AQP6: variants seen among roughly 807,000 people sequenced by gnomAD.
The protein encoded by AQP6 is aquaporin-6.
AQP6 carries 14 observed loss-of-function variants against 16.3 expected under a neutral mutation model. The observed-to-expected ratio is 0.86, with a 90% confidence interval of 0.57 to 1.34. AQP6 has a LOEUF of 1.34. AQP6 is among the 40% of genes most tolerant of loss of function. The pLI is 0.00. For synonymous variants in AQP6, 178 were observed against 166.8 expected (o/e 1.07, Z -0.52); for missense variants, 331 against 379.7 (o/e 0.87, Z 1.07).
rs1592827806 is a variant in AQP6, at chr12:49,974,109, C to G, written c.403-215C>G. 3 of 1,255,824 alleles carry G rather than the reference C, an allele frequency of 2.4e-6. No homozygotes were observed. In the East Asian group the frequency reaches 9.1e-5, roughly 38 times the overall value. The allele number at this position is 1,255,824 out of a possible 1,614,324, so 77.8% of individuals were successfully genotyped here. On this transcript the variant is annotated intron_variant, in intron 1 of 3. Coordinates refer to ENST00000315520, the MANE Select transcript of AQP6 (RefSeq NM_001652.4). Reference sequence around the variant, plus strand: ...TGAACCACTGGCCCCAACCAACCCACTGGTGGGGTGGGAGGAGCACCACTC... The same window carrying G: ...TGAACCACTGGCCCCAACCAACCCAGTGGTGGGGTGGGAGGAGCACCACTC...
Position 49,975,660 on chromosome 12 carries a change from G to A in AQP6, c.838G>A (p.Glu280Lys). 6.4e-7 allele frequency: 1 copy of A among 1,573,072 alleles called. No individual in the cohort carries two copies. The highest frequency in any genetic ancestry group is 8.6e-7 in the Non-Finnish European group (1 of 1,164,646). ...GCCGGGTTCGGGAGCCGTGGAGATG[G>A]AGAGTGTGTGAAACAGCCTACGCCT... is the stretch of plus-strand genomic sequence containing the variant. The part of the protein sequence containing the change: ...SQPGSGAVEM[E>K]SV The change falls in exon 4 of 4, where the codon GAG becomes AAG. Residue 280 changes from glutamate to lysine, a missense_variant. By Grantham distance (56) the Glu-to-Lys change is moderately conservative. Coordinates refer to ENST00000315520, the MANE Select transcript of AQP6 (RefSeq NM_001652.4). The surrounding 1 kb of genome is among the most constrained non-coding windows in gnomAD (Gnocchi z 4.4).
Position 49,973,650 on chromosome 12 carries a change from G to A in AQP6, c.402+75G>A, listed in dbSNP as rs548480349. On this transcript the variant is annotated intron_variant, in intron 1 of 3. Transcript: ENST00000315520. ...AAGTGGTGAAGGTGGAGGCCAGGAC[G>A]GAGGCGAGGGAGCAAAGGAGGAAAC... The A allele has an allele frequency of 3.5e-4, 512 of 1,466,970 alleles. 2 individuals carry two copies. The highest frequency in any genetic ancestry group is 4.0e-4 in the East Asian group (16 of 40,392). 90.9% of individuals were successfully genotyped at this position (1,466,970 alleles called of 1,614,324 possible).
At position 49,973,313 on chromosome 12, in the gene AQP6, G is replaced by C. The variant is rs151202401; in HGVS notation, c.140G>C (p.Arg47Pro). 9 of 1,613,494 alleles carry C rather than the reference G, an allele frequency of 5.6e-6. No individual in the cohort carries two copies. The highest frequency in any genetic ancestry group is 7.6e-6 in the Non-Finnish European group (9 of 1,180,046). The stretch of plus-strand genomic sequence containing the variant: ...TTCTTTGGCGTGGGCTCAGTCATGC[G>C]CTGGCCCACAGCACTTCCCTCCGTG... ...YVFFGVGSVM[R>P]WPTALPSVLQ... is the part of the protein sequence containing the mutation. Residue 47 changes from arginine to proline, a missense_variant, in exon 1 of 4, where the codon CGC becomes CCC. Transcript: ENST00000315520.
chr12:49,975,506 A>C lies in AQP6; in HGVS notation c.684A>C (p.Ser228=), dbSNP rs2137172660. The change falls in exon 4 of 4, where the codon TCA becomes TCC. Residue 228 remains serine (S), a synonymous_variant. Coordinates refer to ENST00000315520, the MANE Select transcript of AQP6 (RefSeq NM_001652.4). The surrounding 1 kb of genome is among the most constrained non-coding windows in gnomAD (Gnocchi z 4.4). The stretch of plus-strand genomic sequence containing the variant: ...CCCTGATGGGAGCCCTCCTGGCCTC[A>C]CTGATCTACAACTTCGTCCTGTTCC... ...VGPLMGALLA[S]LIYNFVLFPD... 1 of 1,612,476 alleles carries C rather than the reference A, an allele frequency of 6.2e-7. No homozygotes were observed. The highest frequency in any genetic ancestry group is 2.2e-5 in the East Asian group (1 of 44,810).
rs1006314499 is a variant in AQP6, at chr12:49,975,768, T to C, written c.*97T>C. The C allele has an allele frequency of 1.4e-6, 2 of 1,422,954 alleles. No individual in the cohort carries two copies. Among genetic ancestry groups the C allele is most frequent in the Non-Finnish European group, 1.8e-6 (2 of 1,084,060 alleles). The allele number at this position is 1,422,954 out of a possible 1,614,324, so 88.1% of individuals were successfully genotyped here. ...TGGCGGGAGGGGGAGGCTTGACCTT[T>C]TGTCCTGACCAGGTGGGCTGGAGGG... On this transcript the variant is annotated 3_prime_UTR_variant, in exon 4 of 4. Coordinates refer to ENST00000315520, the MANE Select transcript of AQP6 (RefSeq NM_001652.4). This position sits in a 1 kb window ranked among gnomAD's most constrained non-coding sequence, Gnocchi z 4.4.
rs760251821 is a variant in AQP6 at position 49,975,659 on chromosome 12, GGA to G, written c.841_842del (p.Ser281CysfsTer33). 8 of 1,574,672 alleles carry G rather than the reference GGA, an allele frequency of 5.1e-6. No homozygotes were observed. The highest frequency in any genetic ancestry group is 1.4e-5 in the African/African-American group (1 of 72,924). ...AGCCGGGTTCGGGAGCCGTGGAGAT[GGA>G]GAGTGTGTGAAACAGCCTACGCCTG... is the stretch of plus-strand genomic sequence containing the variant. Reference protein sequence around the residue: ...SQPGSGAVEMESV With the variant: ...SQPGSGAVEMXSV On this transcript the variant is annotated frameshift_variant, in exon 4 of 4. Transcript: ENST00000315520. LOFTEE classifies it high-confidence loss of function. The surrounding 1 kb of genome is among the most constrained non-coding windows in gnomAD (Gnocchi z 4.4).
In AQP6 at chr12:49,973,467, C is replaced by T. The variant is rs755735306; in HGVS notation, c.294C>T (p.Pro98=). The T allele has an allele frequency of 1.2e-6, 2 of 1,613,854 alleles. No individual in the cohort carries two copies. The highest frequency in any genetic ancestry group is 2.2e-5 in the South Asian group (2 of 91,090). The change falls in exon 1 of 4, where the codon CCC becomes CCT. Residue 98 remains proline (P), a synonymous_variant. Coordinates refer to ENST00000315520, the MANE Select transcript of AQP6 (RefSeq NM_001652.4). ...AFLVGSHISL[P]RAVAYVAAQL... ...TCGTAGGCTCCCACATCTCTCTGCC[C>T]CGTGCTGTGGCCTATGTGGCTGCCC...
In AQP6 at chr12:49,975,426, G is replaced by A. The variant is rs767779007; in HGVS notation, c.643-39G>A. 6.4e-7 allele frequency: 1 copy of A among 1,550,754 alleles called. No individual in the cohort carries two copies. Among genetic ancestry groups the A allele is most frequent in the Non-Finnish European group, 8.7e-7 (1 of 1,153,806 alleles). On this transcript the variant is annotated intron_variant, in intron 3 of 3. Coordinates refer to ENST00000315520, the MANE Select transcript of AQP6 (RefSeq NM_001652.4). The surrounding 1 kb of genome is among the most constrained non-coding windows in gnomAD (Gnocchi z 4.4). ...GGTCCCAGAGCCACCCTGTGGTCCTGATAGCTCCTGGGTGGGGTGACGACA... is the reference window on the plus strand; with the variant it reads ...GGTCCCAGAGCCACCCTGTGGTCCTAATAGCTCCTGGGTGGGGTGACGACA...
rs1379350043 is a variant in AQP6 at position 49,976,817 on chromosome 12, C to A, written c.*1146C>A. 3.2e-5 allele frequency: 19 copies of A among 592,210 alleles called. No homozygotes were observed. The highest frequency in any genetic ancestry group is 3.9e-5 in the Non-Finnish European group (13 of 335,018). 36.7% of individuals were successfully genotyped at this position (592,210 alleles called of 1,614,324 possible). A position where few individuals can be genotyped will look rare whatever the true frequency, so the allele number is the denominator to read the frequency against. On this transcript the variant is annotated 3_prime_UTR_variant, in exon 4 of 4. Coordinates refer to ENST00000315520, the MANE Select transcript of AQP6 (RefSeq NM_001652.4). ...CTGGGTCAAAGAAGCCGTCTCCAGGCTCTCTGTCAGCATTACAGGATCCCC... is the reference window on the plus strand; with the variant it reads ...CTGGGTCAAAGAAGCCGTCTCCAGGATCTCTGTCAGCATTACAGGATCCCC...
In AQP6 at chr12:49,973,724, G is replaced by A; in HGVS notation, c.402+149G>A. Reference sequence around the variant, plus strand: ...CTCCCGGGCTGGGCCCCAGGACCCAGAGGACTGAGACTTTGACCTCAGTCT... The same window carrying A: ...CTCCCGGGCTGGGCCCCAGGACCCAAAGGACTGAGACTTTGACCTCAGTCT... On this transcript the variant is annotated intron_variant, in intron 1 of 3. Coordinates refer to ENST00000315520, the MANE Select transcript of AQP6 (RefSeq NM_001652.4). 2.4e-6 allele frequency: 3 copies of A among 1,263,320 alleles called. No individual in the cohort carries two copies. In the South Asian group the frequency reaches 4.7e-5, roughly 20 times the overall value. The allele number at this position is 1,263,320 out of a possible 1,614,324, so 78.3% of individuals were successfully genotyped here. A position where few individuals can be genotyped will look rare whatever the true frequency, so the allele number is the denominator to read the frequency against.
rs776881793 is a variant in AQP6 at position 49,977,071 on chromosome 12, A to G, written c.*1400A>G. The G allele has an allele frequency of 7.2e-6, 5 of 694,546 alleles. No individual in the cohort carries two copies. The South Asian group carries it at 7.7e-5, about 11-fold the overall frequency. 43.0% of individuals were successfully genotyped at this position (694,546 alleles called of 1,614,324 possible). ...TCCTCCAGGGACTGCTGTGAAATCA[A>G]GAAATCGGAAAATACTTTCAGAAGT... is the stretch of plus-strand genomic sequence containing the variant. On this transcript the variant is annotated 3_prime_UTR_variant, in exon 4 of 4. Transcript: ENST00000315520.
rs532152835 is a variant in AQP6 at position 49,976,676 on chromosome 12, G to A, written c.*1005G>A. 3.6e-4 allele frequency: 143 copies of A among 396,788 alleles called. No individual in the cohort carries two copies. The highest frequency in any genetic ancestry group is 5.9e-4 in the Non-Finnish European group (132 of 222,128). The allele number at this position is 396,788 out of a possible 1,614,324, so 24.6% of individuals were successfully genotyped here. On this transcript the variant is annotated 3_prime_UTR_variant, in exon 4 of 4. Transcript: ENST00000315520. ...AGGAAGGGAGGTTTGAGCCAGACAG[G>A]CCTTTCCCAGGGAAGCCTCCTCCCA...
chr12:49,973,980 C>G (rs1490292762), intron 1 of AQP6: 12 of 1,158,178 alleles, frequency 1.0e-5, no homozygotes, highest in Non-Finnish European at 1.3e-5. Flanking sequence ...TCGAGGCCTG[C>G]CTCACTCGCC....
At position 49,973,190 on chromosome 12, in the gene AQP6, C is replaced by A; in HGVS notation, c.17C>A (p.Pro6Gln). 1 of 1,608,126 alleles carries A rather than the reference C, an allele frequency of 6.2e-7. No homozygotes were observed. Among genetic ancestry groups the A allele is most frequent in the Non-Finnish European group, 8.5e-7 (1 of 1,176,462 alleles). Residue 6 changes from proline (P) to glutamine (Q), a missense_variant, in exon 1 of 4, where the codon CCA (proline) becomes CAA (glutamine). Transcript: ENST00000315520. MDAVE[P>Q]GGRGWASMLA... is the part of the protein sequence containing the mutation. The stretch of plus-strand genomic sequence containing the variant: ...CACCAGGACATGGATGCAGTGGAGC[C>A]AGGGGGACGTGGCTGGGCCAGCATG...
In AQP6 at chr12:49,973,007, A is replaced by G; in HGVS notation, c.-167A>G. On this transcript the variant is annotated 5_prime_UTR_variant, in exon 1 of 4. Transcript: ENST00000315520. ...CAGTCTGACCAGCACAGTCCTGGGG[A>G]CAGGAGCGTGGTGGAGGAGCTGCAG... 1 of 931,422 alleles carries G rather than the reference A, an allele frequency of 1.1e-6. No individual in the cohort carries two copies. The highest frequency in any genetic ancestry group is 1.6e-6 in the Non-Finnish European group (1 of 639,412). The allele number at this position is 931,422 out of a possible 1,614,324, so 57.7% of individuals were successfully genotyped here.
chr12:49,974,938 G>T (rs1947560521), intron 3 of AQP6, 112 bp downstream of exon 3: 2 of 1,483,142 alleles, frequency 1.3e-6, no homozygotes, highest in South Asian at 2.7e-5. Context: ...GAATGTCTTG[G>T]CTGAGACTTC....
chr12:49,973,410 C>T lies in AQP6; in HGVS notation c.237C>T (p.Ala79=). 1 of 1,612,764 alleles carries T rather than the reference C, an allele frequency of 6.2e-7. No homozygotes were observed. Among genetic ancestry groups the T allele is most frequent in the Non-Finnish European group, 8.5e-7 (1 of 1,180,038 alleles). ...AGGTCACCTGGAAGGCCAGCGGGGC[C>T]CACGCCAACCCCGCCGTGACGCTGG... ...AVQVTWKASG[A]HANPAVTLAF... is the part of the protein sequence containing the mutation. Residue 79 remains alanine, a synonymous_variant, in exon 1 of 4, where the codon GCC becomes GCT. Transcript: ENST00000315520.
rs750586153 is a variant in AQP6 at position 49,975,533 on chromosome 12, C to G, written c.711C>G (p.Pro237=). 7 of 1,613,584 alleles carry G rather than the reference C, an allele frequency of 4.3e-6. No individual in the cohort carries two copies. The highest frequency in any genetic ancestry group is 2.7e-5 in the African/African-American group (2 of 74,866). ...ASLIYNFVLF[P]DTKTLAQRLA... ...TGATCTACAACTTCGTCCTGTTCCC[C>G]GACACCAAGACCCTGGCGCAGCGGC... Residue 237 remains proline (P), a synonymous_variant, in exon 4 of 4, where the codon CCC becomes CCG. Transcript: ENST00000315520. The surrounding 1 kb of genome is among the most constrained non-coding windows in gnomAD (Gnocchi z 4.4).
In AQP6 at chr12:49,973,014, CGT is replaced by C; in HGVS notation, c.-158_-157del. On this transcript the variant is annotated 5_prime_UTR_variant, in exon 1 of 4. Transcript: ENST00000315520. ...ACCAGCACAGTCCTGGGGACAGGAG[CGT>C]GGTGGAGGAGCTGCAGGTGGGGGCC... is the stretch of plus-strand genomic sequence containing the variant. 2.0e-6 allele frequency: 2 copies of C among 981,500 alleles called. No homozygotes were observed. Among genetic ancestry groups the C allele is most frequent in the Admixed American group, 2.9e-5 (1 of 34,502 alleles). 60.8% of individuals were successfully genotyped at this position (981,500 alleles called of 1,614,324 possible).
Sources: gnomAD v4.1 joint callset for allele counts on GRCh38, gnomAD v4.1.1 for gene constraint, Gnocchi (gnomAD v3.1) non-coding constraint, MANE v1.5 for transcripts, NCBI Gene and HGNC (gene_info 2026-07-23, HGNC 2026-07-21) for gene names.